MTTP: variants seen among roughly 807,000 people sequenced by gnomAD.
MTTP encodes microsomal triglyceride transfer protein, also known as microsomal triglyceride transfer protein large subunit.
In MTTP, 49 loss-of-function variants were observed where a neutral mutation model predicts 90.6. The observed-to-expected ratio is 0.54, with a 90% CI of 0.43 to 0.69. The LOEUF is 0.69. MTTP is among the 30% of genes least tolerant of loss of function. The probability of loss-of-function intolerance (pLI) is 0.00; values close to 1 mark genes in which losing one functional copy is unlikely to be tolerated. For synonymous variants in MTTP, 347 were observed against 384.2 expected (o/e 0.90, Z 1.13); for missense variants, 945 against 1,067.5 (o/e 0.89, Z 1.60).
At chr4:99,608,255 G>T (rs1451235489) in intron 11 of MTTP, among the ~76,000 whole-genome samples, 1 of 151,964 alleles carries the variant, frequency 6.6e-6, no homozygotes, top group Non-Finnish European at 1.5e-5. Flanking sequence ...GACCAGACTG[G>T]CCAACATAGT....
At chr4:99,591,581 T>G in intron 5 of MTTP, 70 bp from the exon 6 acceptor site, 1 of 1,518,170 alleles carries the variant, frequency 6.6e-7, no homozygotes, top group South Asian at 1.1e-5. Flanking sequence ...AAAGACAGTT[T>G]GCTATTTGAC....
At chr4:99,586,754 G>T (rs939631869) in intron 3 of MTTP, among the ~76,000 whole-genome samples, 2 of 152,088 alleles carry the variant, frequency 1.3e-5, no homozygotes, top group Admixed American at 6.6e-5. Context: ...TATAAAGGAA[G>T]GTGTGGAGAA....
chr4:99,611,345 G>C lies in MTTP; in HGVS notation c.1881G>C (p.Ser627=), dbSNP rs750991409. 1 of 1,613,902 alleles carries C rather than the reference G, an allele frequency of 6.2e-7. No homozygotes were observed. Among genetic ancestry groups the C allele is most frequent in the Non-Finnish European group, 8.5e-7 (1 of 1,179,916 alleles). The change falls in exon 14 of 18, where the codon TCG becomes TCC. Residue 627 remains serine, a synonymous_variant. Transcript: ENST00000265517. The part of the protein sequence containing the change: ...YTGYIERSPR[S]ASTYSLDILY... Reference sequence around the variant, plus strand: ...GTGTGTCATCAGGTAGTCCCCGTTCGGCATCTACTTACAGCCTAGACATTC... The same window carrying C: ...GTGTGTCATCAGGTAGTCCCCGTTCCGCATCTACTTACAGCCTAGACATTC...
At chr4:99,583,623 A>T in intron 3 of MTTP, 106 bp downstream of exon 3, 2 of 1,356,028 alleles carry the variant, frequency 1.5e-6, no homozygotes, top group Non-Finnish European at 1.1e-6. Context: ...TTTTATGGTA[A>T]ATGGAATTTC....
At chr4:99,567,864 A>G (rs1051393426) in intron 1 of MTTP, among the ~76,000 whole-genome samples, 15 of 152,148 alleles carry the variant, frequency 9.9e-5, no homozygotes, top group African/African-American at 3.6e-4. Flanking sequence ...TATTCTACCC[A>G]ATCCTCCCTC....
intron 10 of MTTP, among the ~76,000 whole-genome samples, chr4:99,603,970 T>C (rs1185062699): frequency 1.3e-5 from 2 of 152,220 alleles, no homozygotes; most frequent in African/African-American, 2.4e-5. Flanking sequence ...CCATCTACTA[T>C]CACTGGCATT....
intron 15 of MTTP, 149 bp downstream of exon 15, chr4:99,613,289 C>T: frequency 5.8e-6 from 4 of 693,666 alleles, no homozygotes; most frequent in Non-Finnish European, 7.7e-6. Context: ...GTATTGGTCC[C>T]CTTTCTCCTT....
intron 1 of MTTP, among the ~76,000 whole-genome samples, chr4:99,568,870 A>G (rs951831514): frequency 6.6e-6 from 1 of 152,166 alleles, no homozygotes; most frequent in Non-Finnish European, 1.5e-5. Flanking sequence ...ACAAGTCCTT[A>G]TTGATATAGT....
intron 3 of MTTP, among the ~76,000 whole-genome samples, chr4:99,584,701 A>C (rs1041609083): frequency 6.7e-6 from 1 of 148,200 alleles, no homozygotes; most frequent in Non-Finnish European, 1.5e-5. Context: ...AATAACCATC[A>C]CTCTTTAGAA....
chr4:99,591,122 G>GA, intron 4 of MTTP, 113 bp from the exon 5 acceptor site: 2 of 780,292 alleles, frequency 2.6e-6, no homozygotes, highest in East Asian at 2.4e-5. Flanking sequence ...TCCTGGGGGA[G>GA]AAAAAAAGTC....
chr4:99,591,915 A>G, intron 6 of MTTP, 125 bp downstream of exon 6: 2 of 872,584 alleles, frequency 2.3e-6, no homozygotes, highest in East Asian at 2.7e-5. Flanking sequence ...TTGCTTAACA[A>G]TGGGAATAAG....
At chr4:99,616,106 C>T (rs1726093234) in intron 15 of MTTP, among the ~76,000 whole-genome samples, 1 of 152,114 alleles carries the variant, frequency 6.6e-6, no homozygotes, top group Admixed American at 6.6e-5. Flanking sequence ...GAAAAGTCTT[C>T]ACCCAGGCCA....
intron 3 of MTTP, among the ~76,000 whole-genome samples, chr4:99,589,327 A>G (rs1242384290): frequency 2.0e-5 from 3 of 151,952 alleles, no homozygotes; most frequent in Admixed American, 2.0e-4. Context: ...ACATGTTCAA[A>G]CAGAATGTTC....
At chr4:99,569,719 T>G (rs180927857) in intron 1 of MTTP, among the ~76,000 whole-genome samples, 7 of 152,146 alleles carry the variant, frequency 4.6e-5, no homozygotes, top group Admixed American at 6.5e-5. Context: ...TAATCCTTTT[T>G]CTGTGCTCAT....
upstream of MTTP, among the ~76,000 whole-genome samples, chr4:99,573,418 T>C (rs1409853361): frequency 6.6e-6 from 1 of 152,164 alleles, no homozygotes; most frequent in Non-Finnish European, 1.5e-5. Flanking sequence ...AAAGCTACTT[T>C]TCTGTTTAAC....
In MTTP at chr4:99,601,576, G is replaced by A. The variant is rs367844625; in HGVS notation, c.1237-31G>A. On this transcript the variant is annotated intron_variant, in intron 9 of 17. Transcript: ENST00000265517. ...TCCTTGGAAATATTTAAATGTCTTG[G>A]TAACCTATTTTATCCCTGTTTGGTT... The A allele has an allele frequency of 6.7e-4, 951 of 1,416,346 alleles. 9 individuals carry two copies. The highest frequency in any genetic ancestry group is 5.1e-5 in the Non-Finnish European group (51 of 1,000,646). The allele number at this position is 1,416,346 out of a possible 1,614,324, so 87.7% of individuals were successfully genotyped here. A position where few individuals can be genotyped will look rare whatever the true frequency, so the allele number is the denominator to read the frequency against.
chr4:99,617,980 G>A (rs143916891), intron 15 of MTTP, among the ~76,000 whole-genome samples: 6 of 151,848 alleles, frequency 4.0e-5, no homozygotes, highest in Non-Finnish European at 8.8e-5. Flanking sequence ...TACAGTTGGC[G>A]TCTCTGTAAC....
intron 16 of MTTP, among the ~76,000 whole-genome samples, chr4:99,620,025 A>G (rs1487495788): frequency 1.3e-5 from 2 of 152,220 alleles, no homozygotes; most frequent in Non-Finnish European, 2.9e-5. Context: ...AGCAACAACA[A>G]CAAAAAGTAA....
chr4:99,564,788 A>G (rs1175523651), intron 1 of MTTP, among the ~76,000 whole-genome samples: 1 of 152,238 alleles, frequency 6.6e-6, no homozygotes, highest in East Asian at 1.9e-4. Flanking sequence ...ATTTTGAAGT[A>G]AATTATCCTT....
Sources: allele counts gnomAD v4.1 joint callset (sites outside exome capture counted in the v4.1 genomes callset), GRCh38; gene constraint gnomAD v4.1.1; transcripts MANE v1.5; gene names NCBI Gene and HGNC (gene_info 2026-07-23, HGNC 2026-07-21).